PBX1: variants seen among roughly 807,000 people sequenced by gnomAD.
The protein encoded by PBX1 is PBX homeobox 1.
Under a neutral mutation model 53.4 loss-of-function variants are expected in PBX1, and 6 were observed. The observed-to-expected ratio is 0.11, with a 90% confidence interval of 0.06 to 0.22. The LOEUF (loss-of-function observed/expected upper bound fraction) is 0.22. Ranked by LOEUF, PBX1 falls within the 10% of genes least tolerant of loss-of-function variation. The pLI is 1.00. For missense variants in PBX1, 251 were observed against 551.4 expected, an observed-to-expected ratio of 0.46 and a Z score of 5.46; for synonymous variants, 204 against 212.3, an observed-to-expected ratio of 0.96 and a Z score of 0.34.
Position 164,849,163 on chromosome 1 carries a change from A to G in PBX1, c.*2487A>G, listed in dbSNP as rs1040375710. 3.6e-6 allele frequency: 5 copies of G among 1,395,878 alleles called. No homozygotes were observed. The African/African-American group carries it at 7.2e-5, about 20-fold the overall frequency. 86.5% of individuals were successfully genotyped at this position (1,395,878 alleles called of 1,614,324 possible). On this transcript the variant is annotated 3_prime_UTR_variant, in exon 9 of 9. Coordinates refer to ENST00000420696, the MANE Select transcript of PBX1 (RefSeq NM_002585.4). ...GAGAGACAAAAGGGTTCTCTTGGAA[A>G]CAAGAAGAGTGACTCCAGATGTGGC... is the stretch of plus-strand genomic sequence containing the variant.
chr1:164,778,891 G>T (rs899032436), intron 2 of PBX1, among the ~76,000 whole-genome samples: 10 of 152,122 alleles, frequency 6.6e-5, no homozygotes, highest in African/African-American at 2.4e-4. Context: ...CAGCTGTGAG[G>T]TAGGGAGAAC....
At chr1:164,869,989 A>G (rs1370563018) in intron 2 of PBX1, among the ~76,000 whole-genome samples, 1 of 152,192 alleles carries the variant, frequency 6.6e-6, no homozygotes, top group East Asian at 1.9e-4. Context: ...CAGCTGGTAC[A>G]GTAACTAAGA....
chr1:164,727,277 A>G (rs1412852489), intron 2 of PBX1, among the ~76,000 whole-genome samples: 7 of 152,182 alleles, frequency 4.6e-5, no homozygotes, highest in Non-Finnish European at 8.8e-5. Flanking sequence ...AATCTCTACA[A>G]TTCTGTTGTT....
chr1:164,736,273 G>T (rs746865597), intron 2 of PBX1, among the ~76,000 whole-genome samples: 1 of 152,090 alleles, frequency 6.6e-6, no homozygotes, highest in African/African-American at 2.4e-5. Flanking sequence ...GGAGGCATTG[G>T]AACACCAAGT....
chr1:164,836,261 A>G (rs1671033191), intron 8 of PBX1, among the ~76,000 whole-genome samples: 1 of 152,144 alleles, frequency 6.6e-6, no homozygotes, highest in Non-Finnish European at 1.5e-5. Context: ...TCACCATCAT[A>G]TGCTCTGCCC....
chr1:164,715,338 T>A (rs1664024764), intron 2 of PBX1, among the ~76,000 whole-genome samples: 1 of 152,222 alleles, frequency 6.6e-6, no homozygotes, highest in African/African-American at 2.4e-5. Context: ...GAGGTCTGAT[T>A]ATAATCATGG....
chr1:164,884,457 C>T (rs1183544885), intron 2 of PBX1: 1 of 403,342 alleles, frequency 2.5e-6, no homozygotes, highest in South Asian at 2.0e-5. Context: ...GTCAATTTGA[C>T]TCTTTGATAG....
chr1:164,706,662 T>G (rs1663442787), intron 2 of PBX1, among the ~76,000 whole-genome samples: 1 of 152,178 alleles, frequency 6.6e-6, no homozygotes, highest in South Asian at 2.1e-4. Context: ...CTCTACAAAT[T>G]ATAGCCTTGG....
intron 2 of PBX1, among the ~76,000 whole-genome samples, chr1:164,571,875 A>G (rs532779737): frequency 0.014 from 386 of 28,546 alleles, 3 homozygotes; most frequent in Middle Eastern, 0.036. Context: ...TGTACATTGT[A>G]TATATATATA....
chr1:164,657,517 A>G (rs1660234325), intron 2 of PBX1: 1 of 152,242 alleles, frequency 6.6e-6, no homozygotes, highest in South Asian at 2.1e-4. Context: ...ACATTCTAGC[A>G]GATGTATTTC....
At chr1:164,578,907 CTT>C (rs1654430389) in intron 2 of PBX1, among the ~76,000 whole-genome samples, 2 of 152,118 alleles carry the variant, frequency 1.3e-5, no homozygotes, top group Non-Finnish European at 2.9e-5. Context: ...CTTTCACTCT[CTT>C]TTGTTCTCTT....
At chr1:164,782,078 T>G (rs770333831) in intron 2 of PBX1, among the ~76,000 whole-genome samples, 1 of 152,198 alleles carries the variant, frequency 6.6e-6, no homozygotes, top group Non-Finnish European at 1.5e-5. Context: ...TACAAGTTTA[T>G]TTTTTCCCTT....
intron 2 of PBX1, among the ~76,000 whole-genome samples, chr1:164,756,439 G>C (rs1421784869): frequency 1.3e-5 from 2 of 152,134 alleles, no homozygotes; most frequent in Non-Finnish European, 2.9e-5. Flanking sequence ...TTACACGTTT[G>C]TACACAGAAA....
At chr1:164,875,278 G>C (rs1189720813) in intron 2 of PBX1, among the ~76,000 whole-genome samples, 2 of 152,084 alleles carry the variant, frequency 1.3e-5, no homozygotes, top group Non-Finnish European at 2.9e-5. Context: ...GGGAGCCCCA[G>C]AACAAAAATT....
chr1:164,662,539 C>A (rs947276528), intron 2 of PBX1, among the ~76,000 whole-genome samples: 12 of 152,180 alleles, frequency 7.9e-5, no homozygotes, highest in African/African-American at 2.9e-4. Flanking sequence ...GATGTCAATT[C>A]CTGTTGGTTC....
At chr1:164,688,913 T>C (rs1662284985) in intron 2 of PBX1, among the ~76,000 whole-genome samples, 1 of 152,224 alleles carries the variant, frequency 6.6e-6, no homozygotes, top group South Asian at 2.1e-4. Flanking sequence ...GACTAAGGAA[T>C]AGGAGGGAAC....
At chr1:164,564,598 C>T (rs1185971443) in intron 2 of PBX1, among the ~76,000 whole-genome samples, 1 of 152,128 alleles carries the variant, frequency 6.6e-6, no homozygotes, top group Non-Finnish European at 1.5e-5. Context: ...CTAGACAAAG[C>T]ACCTGAGAAG....
intron 2 of PBX1, among the ~76,000 whole-genome samples, chr1:164,860,839 T>G (rs943450807): frequency 6.6e-6 from 1 of 152,050 alleles, no homozygotes; most frequent in African/African-American, 2.4e-5. Context: ...ACACACTTAG[T>G]ACTTGCTCAG....
At chr1:164,878,313 G>A (rs1672564147) in intron 2 of PBX1, among the ~76,000 whole-genome samples, 1 of 152,186 alleles carries the variant, frequency 6.6e-6, no homozygotes, top group East Asian at 1.9e-4. Flanking sequence ...GTAAGCATTT[G>A]ATTTTGCAAT....
Sources: allele counts gnomAD v4.1 joint callset (sites outside exome capture counted in the v4.1 genomes callset), GRCh38; gene constraint gnomAD v4.1.1; transcripts MANE v1.5; gene names NCBI Gene and HGNC (gene_info 2026-07-23, HGNC 2026-07-21).